The following FAM135B variants were observed in gnomAD, a reference collection of about 807,000 sequenced individuals.
FAM135B encodes family with sequence similarity 135 member B, also known as protein FAM135B.
A neutral mutation model predicts 127.7 loss-of-function variants in FAM135B; 43 were observed. The observed-to-expected ratio is 0.34, with a 90% CI of 0.26 to 0.43. FAM135B has a LOEUF of 0.43. Ranked by LOEUF, FAM135B falls within the 20% of genes least tolerant of loss-of-function variation. The pLI, the probability that FAM135B is intolerant of heterozygous loss-of-function variation, is 1.00. For missense variants in FAM135B, 1,558 were observed against 1,725.6 expected, an observed-to-expected ratio of 0.90 and a Z score of 1.72; for synonymous variants, 670 against 665.1, an observed-to-expected ratio of 1.01 and a Z score of -0.11.
In FAM135B at chr8:138,413,822, C is replaced by G. The variant is rs532295380; in HGVS notation, c.-19-45820G>C. ...GTTCAGCAAGGCAGACAATCTGGCC[C>G]TCCTCCTCTAGCACTTCAGAGCTTA... On this transcript the variant is annotated intron_variant, in intron 1 of 19. Coordinates refer to ENST00000395297, the MANE Select transcript of FAM135B (RefSeq NM_015912.4). Among the ~76,000 whole-genome samples, 16 of 152,196 alleles carry G rather than the reference C, an allele frequency of 1.1e-4. No individual in the cohort carries two copies. In the South Asian group the frequency reaches 2.9e-3, roughly 28 times the overall value.
intron 9 of FAM135B, among the ~76,000 whole-genome samples, chr8:138,183,352 G>C (rs1457604378): frequency 6.6e-6 from 1 of 152,120 alleles, no homozygotes; most frequent in African/African-American, 2.4e-5. Flanking sequence ...GCAATGTCTG[G>C]ACCCAGGAAG....
chr8:138,453,062 G>T (rs1836581982), intron 1 of FAM135B, among the ~76,000 whole-genome samples: 1 of 152,102 alleles, frequency 6.6e-6, no homozygotes, highest in Non-Finnish European at 1.5e-5. Flanking sequence ...TACAATATCA[G>T]GAAGTGGGGA....
chr8:138,346,217 T>G (rs576236738), intron 2 of FAM135B, among the ~76,000 whole-genome samples: 1 of 152,328 alleles, frequency 6.6e-6, no homozygotes, highest in South Asian at 2.1e-4. Flanking sequence ...TGTACATTAG[T>G]TCAACCATTG....
intron 3 of FAM135B, among the ~76,000 whole-genome samples, chr8:138,297,989 G>A (rs186480238): frequency 4.4e-4 from 67 of 152,244 alleles, no homozygotes; most frequent in Non-Finnish European, 7.8e-4. Context: ...GCCCAGACCC[G>A]GGAGCTGGAC....
intron 12 of FAM135B, among the ~76,000 whole-genome samples, chr8:138,165,731 C>T (rs550772844): frequency 3.3e-5 from 5 of 152,270 alleles, no homozygotes; most frequent in African/African-American, 1.2e-4. Flanking sequence ...TGCAAACACA[C>T]ATACATACAT....
At chr8:138,339,847 C>T (rs1231831183) in intron 2 of FAM135B, among the ~76,000 whole-genome samples, 1 of 152,212 alleles carries the variant, frequency 6.6e-6, no homozygotes, top group Admixed American at 6.5e-5. Context: ...GAGAGGGGTT[C>T]CGTCGCTTCC....
intron 6 of FAM135B, among the ~76,000 whole-genome samples, chr8:138,247,197 A>G (rs1403204494): frequency 6.6e-6 from 1 of 152,196 alleles, no homozygotes; most frequent in Non-Finnish European, 1.5e-5. Flanking sequence ...ACTTTGAGGG[A>G]CTGTTAGAAA....
chr8:138,143,212 G>T, intron 15 of FAM135B, 103 bp from the exon 16 acceptor site: 1 of 677,868 alleles, frequency 1.5e-6, no homozygotes, highest in Non-Finnish European at 2.7e-6. Context: ...GCCTACTGGG[G>T]ATGTGCCTAC....
At chr8:138,158,938 C>G (rs1819060716) in intron 12 of FAM135B, among the ~76,000 whole-genome samples, 2 of 152,172 alleles carry the variant, frequency 1.3e-5, no homozygotes, top group African/African-American at 2.4e-5. Context: ...CAAACCATTA[C>G]TGGATATACA....
intron 1 of FAM135B, among the ~76,000 whole-genome samples, chr8:138,397,418 C>T (rs1328178217): frequency 6.6e-6 from 1 of 152,188 alleles, no homozygotes; most frequent in Non-Finnish European, 1.5e-5. Context: ...TAAAAGTACA[C>T]AGAGGTGATG....
intron 2 of FAM135B, among the ~76,000 whole-genome samples, chr8:138,350,929 T>C (rs1013486360): frequency 1.3e-5 from 2 of 152,144 alleles, no homozygotes; most frequent in African/African-American, 2.4e-5. Flanking sequence ...ATAACCTGCT[T>C]ACCTCCCCAA....
At chr8:138,372,601 TA>T in intron 1 of FAM135B, among the ~76,000 whole-genome samples, 1 of 152,158 alleles carries the variant, frequency 6.6e-6, no homozygotes, top group African/African-American at 2.4e-5. Flanking sequence ...AGGACAATAA[TA>T]ATACCTACTT....
chr8:138,411,029 A>T lies in FAM135B; in HGVS notation c.-19-43027T>A, dbSNP rs1833834565. ...GGAAGAACATTCCATGCTCATGGGT[A>T]GGAAGAATCTATATCATGAAAATGG... On this transcript the variant is annotated intron_variant, in intron 1 of 19. Transcript: ENST00000395297. Among the ~76,000 whole-genome samples the T allele has an allele frequency of 1.6e-5, 2 of 126,238 alleles. 1 individual carries two copies. The highest frequency in any genetic ancestry group is 3.4e-5 in the Non-Finnish European group (2 of 59,586). 82.8% of individuals were successfully genotyped at this position (126,238 alleles called of 152,430 possible). A position where few individuals can be genotyped will look rare whatever the true frequency, so the allele number is the denominator to read the frequency against.
chr8:138,320,831 AC>A (rs1213432176), intron 2 of FAM135B, among the ~76,000 whole-genome samples: 2 of 152,238 alleles, frequency 1.3e-5, no homozygotes, highest in Admixed American at 6.5e-5. Flanking sequence ...ATGGTGTTCT[AC>A]AATTCAATCC....
intron 1 of FAM135B, among the ~76,000 whole-genome samples, chr8:138,398,053 C>T (rs193076360): frequency 9.8e-5 from 15 of 152,302 alleles, no homozygotes; most frequent in Admixed American, 1.3e-4. Context: ...AAACTCCCTC[C>T]GGTCCCAGAT....
intron 1 of FAM135B, among the ~76,000 whole-genome samples, chr8:138,467,928 TAGG>T (rs1837462305): frequency 6.6e-6 from 1 of 152,242 alleles, no homozygotes; most frequent in Non-Finnish European, 1.5e-5. Context: ...GCCTTATTCC[TAGG>T]AGAAGCCTGG....
chr8:138,167,544 T>C (rs7002668), intron 12 of FAM135B, among the ~76,000 whole-genome samples: 2,122 of 152,264 alleles, frequency 0.014, 39 homozygotes, highest in Middle Eastern at 0.051. Context: ...TTTATTTGAA[T>C]GGCACATTTG....
At chr8:138,404,689 C>T (rs1393827054) in intron 1 of FAM135B, among the ~76,000 whole-genome samples, 6 of 152,248 alleles carry the variant, frequency 3.9e-5, no homozygotes, top group Admixed American at 2.6e-4. Context: ...CAGTTCATCT[C>T]AAGACACCAC....
intron 1 of FAM135B, among the ~76,000 whole-genome samples, chr8:138,435,508 A>C (rs1164660018): frequency 1.3e-5 from 2 of 152,184 alleles, no homozygotes; most frequent in Non-Finnish European, 2.9e-5. Flanking sequence ...ATTTAAATGC[A>C]ATAAGACTAC....
Sources: gnomAD v4.1 joint callset for allele counts (sites outside exome capture counted in the v4.1 genomes callset) on GRCh38, gnomAD v4.1.1 for gene constraint, MANE v1.5 for transcripts, NCBI Gene and HGNC (gene_info 2026-07-23, HGNC 2026-07-21) for gene names.